Variants in LTBP4 observed in about 807,000 individuals in gnomAD.
LTBP4 encodes the protein latent transforming growth factor beta binding protein 4.
A neutral mutation model predicts 180.2 loss-of-function variants in LTBP4; 93 were observed. The ratio of observed to expected loss-of-function variants is 0.52; its 90% CI spans 0.44 to 0.61. LTBP4 has a LOEUF of 0.61. LTBP4 is among the 20% of genes least tolerant of loss of function. The probability of loss-of-function intolerance (pLI) is 0.00; values close to 1 mark genes in which losing one functional copy is unlikely to be tolerated. For missense variants in LTBP4, 2,116 were observed against 2,256.5 expected, an observed-to-expected ratio of 0.94 and a Z score of 1.26; for synonymous variants, 947 against 934.5, an observed-to-expected ratio of 1.01 and a Z score of -0.24.
At chr19:40,597,836 T>C (rs948734805), upstream of LTBP4, among the ~76,000 whole-genome samples, 1 of 150,692 alleles carries the variant, frequency 6.6e-6, no homozygotes. Context: ...TCTGTGTTCA[T>C]GAAAAGCGAC....
rs1208405582 is a variant in LTBP4, at chr19:40,612,308, C to A, written c.2299+116C>A. ...TGACCTGGACCTCAGTCCCTCAGTC[C>A]CCAGAGCCTGTGACTCCTGACCCTG... is the stretch of plus-strand genomic sequence containing the variant. On this transcript the variant is annotated intron_variant, in intron 15 of 29. Transcript: ENST00000396819. 4.4e-6 allele frequency: 6 copies of A among 1,370,710 alleles called. No individual in the cohort carries two copies. The African/African-American group carries it at 7.2e-5, about 16-fold the overall frequency. 84.9% of individuals were successfully genotyped at this position (1,370,710 alleles called of 1,614,324 possible).
chr19:40,623,518 A>C, intron 24 of LTBP4, 86 bp from the exon 25 acceptor site: 1 of 1,483,068 alleles, frequency 6.7e-7, no homozygotes, highest in Non-Finnish European at 9.1e-7. Context: ...GTCTATCACC[A>C]GCTCTGTCTC....
At chr19:40,607,320 C>T (rs1179290761) in intron 6 of LTBP4, 45 bp from the exon 7 acceptor site, 1 of 1,551,570 alleles carries the variant, frequency 6.4e-7, no homozygotes, top group Non-Finnish European at 8.7e-7. Flanking sequence ...AGTGCTACAG[C>T]ATTCCCAGCC....
At chr19:40,618,684 A>G (rs992103068) in intron 21 of LTBP4, among the ~76,000 whole-genome samples, 1 of 152,228 alleles carries the variant, frequency 6.6e-6, no homozygotes. Flanking sequence ...CCCTACAGAT[A>G]TTTTCATTCA....
chr19:40,620,721 T>C (rs972569494), intron 22 of LTBP4, among the ~76,000 whole-genome samples: 1 of 140,944 alleles, frequency 7.1e-6, no homozygotes, highest in Non-Finnish European at 1.5e-5. Flanking sequence ...GGTTGTGGGA[T>C]TGCACCACTG....
At chr19:40,601,799 C>G (rs1260427063) in intron 1 of LTBP4, among the ~76,000 whole-genome samples, 162 bp downstream of exon 1, 2 of 152,052 alleles carry the variant, frequency 1.3e-5, no homozygotes, top group Non-Finnish European at 1.5e-5. Flanking sequence ...AAATTCCTGG[C>G]TTTTGGGGTT....
In LTBP4 at chr19:40,605,892, C is replaced by T. The variant is rs2081457849; in HGVS notation, c.793+61C>T. ...GGGGAGTGGTGACAACCTCACCGTT[C>T]CTCCTACTCTGCCCTAGATAAACCC... is the stretch of plus-strand genomic sequence containing the variant. On this transcript the variant is annotated intron_variant, in intron 4 of 29. Coordinates refer to ENST00000396819, the MANE Select transcript of LTBP4 (RefSeq NM_001042545.2). The surrounding 1 kb of genome is among the most constrained non-coding windows in gnomAD (Gnocchi z 5.5). 3.4e-6 allele frequency: 5 copies of T among 1,484,834 alleles called. No individual in the cohort carries two copies. The highest frequency in any genetic ancestry group is 4.1e-5 in the Admixed American group (2 of 48,882). 92.0% of individuals were successfully genotyped at this position (1,484,834 alleles called of 1,614,324 possible).
At chr19:40,600,743 C>T (rs1466045307), upstream of LTBP4, among the ~76,000 whole-genome samples, 2 of 152,152 alleles carry the variant, frequency 1.3e-5, no homozygotes, top group East Asian at 3.9e-4. The surrounding 1 kb of genome is among the most constrained non-coding windows in gnomAD (Gnocchi z 4.4). Context: ...TGTTAGTACC[C>T]CCGCCCACAG....
intron 24 of LTBP4, 26 bp from the exon 25 acceptor site, chr19:40,623,578 C>T (rs761457444): frequency 6.2e-7 from 1 of 1,605,242 alleles, no homozygotes; most frequent in Non-Finnish European, 8.5e-7. Flanking sequence ...AGCCCGCCCC[C>T]ATCTCTCTCT....
At chr19:40,595,194 G>A (rs1480140857) in intron 1 of LTBP4, among the ~76,000 whole-genome samples, 2 of 152,120 alleles carry the variant, frequency 1.3e-5, no homozygotes, top group Non-Finnish European at 2.9e-5. Context: ...AAAGGGTGTG[G>A]CCTGAAACTC....
At position 40,605,018 on chromosome 19, in the gene LTBP4, C is replaced by T; in HGVS notation, c.251-17C>T. 3 of 1,597,806 alleles carry T rather than the reference C, an allele frequency of 1.9e-6. No individual in the cohort carries two copies. The highest frequency in any genetic ancestry group is 2.3e-5 in the East Asian group (1 of 44,368). On this transcript the variant is annotated splice_polypyrimidine_tract_variant and intron_variant, in intron 1 of 29. Coordinates refer to ENST00000396819, the MANE Select transcript of LTBP4 (RefSeq NM_001042545.2). The surrounding 1 kb of genome is among the most constrained non-coding windows in gnomAD (Gnocchi z 5.5). ...CAGGAATGGTGGCGCCCCTGAGTGTCCTCGTTCTCCTCCCAGTCCTGTGTC... is the reference window on the plus strand; with the variant it reads ...CAGGAATGGTGGCGCCCCTGAGTGTTCTCGTTCTCCTCCCAGTCCTGTGTC...
chr19:40,623,696 G>A lies in LTBP4; in HGVS notation c.3649G>A (p.Gly1217Ser), dbSNP rs761032774. 11 of 1,613,786 alleles carry A rather than the reference G, an allele frequency of 6.8e-6. No individual in the cohort carries two copies. The highest frequency in any genetic ancestry group is 7.6e-6 in the Non-Finnish European group (9 of 1,179,860). ...APGYSCYCSN[G>S]YYYHTQRLEC... ...GGGCTACTCATGCTATTGCAGCAAC[G>A]GCTACTACTACCACACACAGCGGCT... The change falls in exon 25 of 30, where the codon GGC becomes AGC. Residue 1217 changes from glycine to serine, a missense_variant. Transcript: ENST00000396819.
chr19:40,606,303 C>T lies in LTBP4; in HGVS notation c.864C>T (p.Cys288=), dbSNP rs758784148. 25 of 1,601,266 alleles carry T rather than the reference C, an allele frequency of 1.6e-5. No individual in the cohort carries two copies. Among genetic ancestry groups the T allele is most frequent in the Non-Finnish European group, 2.0e-5 (24 of 1,174,142 alleles). ...GCTTTGAAAGAGTTAATGGGTCCTG[C>T]GAAGGTGCAACGGGGCAGGGGTGGG... is the stretch of plus-strand genomic sequence containing the variant. ...PTGFERVNGS[C]EDVDECATGG... is the part of the protein sequence containing the mutation. The change falls in exon 5 of 30, where the codon TGC becomes TGT. Residue 288 remains cysteine, a synonymous_variant. Coordinates refer to ENST00000396819, the MANE Select transcript of LTBP4 (RefSeq NM_001042545.2).
chr19:40,621,130 A>AT (rs2081583717), intron 22 of LTBP4, among the ~76,000 whole-genome samples: 1 of 152,038 alleles, frequency 6.6e-6, no homozygotes, highest in Non-Finnish European at 1.5e-5. Context: ...TTTAGTACAG[A>AT]CGGGGTTTCA....
In LTBP4 at chr19:40,625,932, C is replaced by T. The variant is rs201614181; in HGVS notation, c.3908C>T (p.Ala1303Val). 70 of 1,605,158 alleles carry T rather than the reference C, an allele frequency of 4.4e-5. No individual in the cohort carries two copies. In the African/African-American group the frequency reaches 8.7e-4, roughly 20 times the overall value. ...VCSHPRLDRQ[A>V]TYTECCCLYG... ...AGCCACCCTCGGCTGGACCGTCAGG[C>T]CACCTACACAGAGTGCTGCTGCCTG... Residue 1303 changes from alanine (A) to valine (V), a missense_variant, in exon 27 of 30, where the codon GCC becomes GTC. Coordinates refer to ENST00000396819, the MANE Select transcript of LTBP4 (RefSeq NM_001042545.2).
chr19:40,623,124 A>G, intron 24 of LTBP4, 103 bp downstream of exon 24: 2 of 797,174 alleles, frequency 2.5e-6, no homozygotes, highest in Non-Finnish European at 3.8e-6. Context: ...GTTTCTCTGT[A>G]TCTGTCTCCC....
At position 40,624,002 on chromosome 19, in the gene LTBP4, C is replaced by G. The variant is rs1421037597; in HGVS notation, c.3752C>G (p.Ser1251Cys). The change falls in exon 26 of 30, where the codon TCT becomes TGT. Residue 1251 changes from serine (S) to cysteine (C), a missense_variant. Transcript: ENST00000396819. ...GGCCGCTGTGTCAACACTGTGGGCT[C>G]TTATCACTGTACCTGCGAGCCCCCA... ...EGGRCVNTVG[S>C]YHCTCEPPLV... is the part of the protein sequence containing the mutation. 1.2e-6 allele frequency: 2 copies of G among 1,613,026 alleles called. No individual in the cohort carries two copies. The highest frequency in any genetic ancestry group is 2.2e-5 in the East Asian group (1 of 44,884).
At position 40,614,519 on chromosome 19, in the gene LTBP4, G is replaced by C. The variant is rs924656708; in HGVS notation, c.2812+73G>C. 7 of 1,525,680 alleles carry C rather than the reference G, an allele frequency of 4.6e-6. No individual in the cohort carries two copies. The African/African-American group carries it at 8.2e-5, about 18-fold the overall frequency. The allele number at this position is 1,525,680 out of a possible 1,614,324, so 94.5% of individuals were successfully genotyped here. On this transcript the variant is annotated intron_variant, in intron 19 of 29. Coordinates refer to ENST00000396819, the MANE Select transcript of LTBP4 (RefSeq NM_001042545.2). ...GGAGGCTGCTCCCTTGGGGACTGAG[G>C]AGGGGCGCCCTGCTTCCCAGACTTA...
chr19:40,607,319 G>A, intron 6 of LTBP4, 46 bp from the exon 7 acceptor site: 1 of 1,167,558 alleles, frequency 8.6e-7, no homozygotes, highest in Non-Finnish European at 1.1e-6. Flanking sequence ...CAGTGCTACA[G>A]CATTCCCAGC....
Sources: gnomAD v4.1 joint callset for allele counts (sites outside exome capture counted in the v4.1 genomes callset) on GRCh38, gnomAD v4.1.1 for gene constraint, Gnocchi (gnomAD v3.1) non-coding constraint, MANE v1.5 for transcripts, NCBI Gene and HGNC (gene_info 2026-07-23, HGNC 2026-07-21) for gene names.